RBFOX3: variants seen among roughly 807,000 people sequenced by gnomAD.
RBFOX3 encodes the protein RNA binding protein fox-1 homolog 3.
RBFOX3 carries 17 observed loss-of-function variants against 48.7 expected under a neutral mutation model. The observed-to-expected ratio is 0.35, with a 90% CI of 0.24 to 0.52. RBFOX3 has a LOEUF of 0.52. Ranked by LOEUF, RBFOX3 falls within the 20% of genes least tolerant of loss-of-function variation. The pLI, the probability that RBFOX3 is intolerant of heterozygous loss-of-function variation, is 0.94. For missense variants in RBFOX3, 382 were observed against 497.5 expected, an observed-to-expected ratio of 0.77 and a Z score of 2.21; for synonymous variants, 212 against 209.5, an observed-to-expected ratio of 1.01 and a Z score of -0.10.
At chr17:79,519,925 T>C (rs1202728182) in intron 1 of RBFOX3, among the ~76,000 whole-genome samples, 1 of 152,198 alleles carries the variant, frequency 6.6e-6, no homozygotes, top group Non-Finnish European at 1.5e-5. Context: ...CTGCTCCCCA[T>C]GGCTGGTTTT....
intron 2 of RBFOX3, among the ~76,000 whole-genome samples, chr17:79,399,088 G>C (rs11077437): frequency 7.3e-4 from 111 of 152,140 alleles, no homozygotes; most frequent in African/African-American, 2.6e-3. Flanking sequence ...GGAACCCCTC[G>C]GGTGGCTGGC....
At chr17:79,527,726 G>A (rs1321280235) in intron 1 of RBFOX3, among the ~76,000 whole-genome samples, 1 of 152,242 alleles carries the variant, frequency 6.6e-6, no homozygotes, top group Admixed American at 6.5e-5. Context: ...ATGCGGTACA[G>A]GCAGCAGATG....
At chr17:79,341,767 A>T (rs927788318) in intron 2 of RBFOX3, among the ~76,000 whole-genome samples, 14 of 152,160 alleles carry the variant, frequency 9.2e-5, no homozygotes, top group African/African-American at 3.4e-4. Context: ...AACCATCTTA[A>T]CAGAAAGAGG....
intron 1 of RBFOX3, among the ~76,000 whole-genome samples, chr17:79,483,303 T>C (rs2079029962): frequency 2.0e-5 from 3 of 151,632 alleles, no homozygotes; most frequent in Non-Finnish European, 4.4e-5. Context: ...TCTCCTAGTA[T>C]ACTCCCTCTC....
chr17:79,309,774 G>A (rs979119478), intron 2 of RBFOX3, among the ~76,000 whole-genome samples: 16 of 152,106 alleles, frequency 1.1e-4, no homozygotes, highest in Non-Finnish European at 1.8e-4. Context: ...CGTGAGAGCT[G>A]ATGGTTTAAA....
chr17:79,512,772 C>T (rs369504078), intron 1 of RBFOX3, among the ~76,000 whole-genome samples: 3 of 145,260 alleles, frequency 2.1e-5, no homozygotes, highest in Non-Finnish European at 3.1e-5. Flanking sequence ...GACACCCACC[C>T]GGATACGTGT....
Position 79,443,107 on chromosome 17 carries a change from T to C in RBFOX3, c.-175+39347A>G, listed in dbSNP as rs1440560732. Among the ~76,000 whole-genome samples the C allele has an allele frequency of 6.6e-6, 1 of 152,200 alleles. No individual in the cohort carries two copies. On this transcript the variant is annotated intron_variant, in intron 2 of 14. Transcript: ENST00000693108. The surrounding 1 kb of genome is among the most constrained non-coding windows in gnomAD (Gnocchi z 4.4). ...ACGAGACAGTGGTGGCCTCTGCCCC[T>C]GTGGACAAAACCGGAGCTCAGCCTC... is the stretch of plus-strand genomic sequence containing the variant.
At chr17:79,415,354 C>A (rs2065161275) in intron 2 of RBFOX3, among the ~76,000 whole-genome samples, 1 of 152,186 alleles carries the variant, frequency 6.6e-6, no homozygotes, top group Non-Finnish European at 1.5e-5. Flanking sequence ...ACTCCAAGGT[C>A]CATTTTTTGA....
chr17:79,356,131 G>A (rs1051559105), intron 2 of RBFOX3, among the ~76,000 whole-genome samples: 1 of 152,124 alleles, frequency 6.6e-6, no homozygotes, highest in South Asian at 2.1e-4. Flanking sequence ...CTTGGCTCTT[G>A]ACTTTTGGCA....
the RBFOX3 span, among the ~76,000 whole-genome samples, chr17:79,625,641 A>C: frequency 6.6e-6 from 1 of 152,180 alleles, no homozygotes; most frequent in Non-Finnish European, 1.5e-5. Context: ...AAAATACAAA[A>C]ATCACCTGGG....
intron 4 of RBFOX3, among the ~76,000 whole-genome samples, chr17:79,187,350 G>A (rs2053615995): frequency 6.6e-6 from 1 of 152,212 alleles, no homozygotes; most frequent in Non-Finnish European, 1.5e-5. Context: ...GGCTTCCCCT[G>A]CGCCGTGAGG....
chr17:79,439,760 G>A (rs1487445923), intron 2 of RBFOX3, among the ~76,000 whole-genome samples: 2 of 152,218 alleles, frequency 1.3e-5, no homozygotes, highest in African/African-American at 4.8e-5. Context: ...GTGCGTAAGT[G>A]CAAGTACATG....
chr17:79,540,710 C>T (rs750284537), intron 1 of RBFOX3, among the ~76,000 whole-genome samples: 32 of 152,214 alleles, frequency 2.1e-4, no homozygotes, highest in Non-Finnish European at 4.6e-4. Flanking sequence ...GTGTGGCCTC[C>T]GCCAGGTTGT....
chr17:79,239,200 G>A (rs926649305), intron 3 of RBFOX3, among the ~76,000 whole-genome samples: 1 of 152,142 alleles, frequency 6.6e-6, no homozygotes, highest in African/African-American at 2.4e-5. Flanking sequence ...CTATGTCTCT[G>A]GTCCTTGCCC....
chr17:79,345,004 A>G (rs1268762765), intron 2 of RBFOX3, among the ~76,000 whole-genome samples: 1 of 152,070 alleles, frequency 6.6e-6, no homozygotes. Context: ...GACCACTCCT[A>G]CCTTCCTTCT....
chr17:79,518,917 G>C (rs1305923871), intron 1 of RBFOX3, among the ~76,000 whole-genome samples: 1 of 152,216 alleles, frequency 6.6e-6, no homozygotes, highest in Non-Finnish European at 1.5e-5. Flanking sequence ...GGCATAAATA[G>C]AACATTTCCT....
At chr17:79,554,675 T>G (rs1192640121) in intron 1 of RBFOX3, among the ~76,000 whole-genome samples, 1 of 152,394 alleles carries the variant, frequency 6.6e-6, no homozygotes, top group East Asian at 1.9e-4. Flanking sequence ...GTCTCACACA[T>G]GGAAGGTTTT....
intron 3 of RBFOX3, among the ~76,000 whole-genome samples, chr17:79,287,402 A>G (rs531529457): frequency 6.6e-6 from 1 of 152,198 alleles, no homozygotes; most frequent in Admixed American, 6.5e-5. Context: ...TTTCCTCTTG[A>G]GTAGGTTTGC....
intron 3 of RBFOX3, among the ~76,000 whole-genome samples, chr17:79,293,547 G>C (rs1264009950): frequency 6.6e-6 from 1 of 151,650 alleles, no homozygotes; most frequent in Non-Finnish European, 1.5e-5. Flanking sequence ...CCACCTTCTG[G>C]GTTCAAGTGA....
Sources: gnomAD v4.1 joint callset for allele counts (sites outside exome capture counted in the v4.1 genomes callset) on GRCh38, gnomAD v4.1.1 for gene constraint, Gnocchi (gnomAD v3.1) non-coding constraint, MANE v1.5 for transcripts, NCBI Gene and HGNC (gene_info 2026-07-23, HGNC 2026-07-21) for gene names.